GPHN: variants seen among roughly 807,000 people sequenced by gnomAD.
GPHN encodes the protein gephyrin.
GPHN carries 17 observed loss-of-function variants against 95.5 expected under a neutral mutation model. The ratio of observed to expected loss-of-function variants is 0.18; its 90% CI spans 0.12 to 0.27. The LOEUF (loss-of-function observed/expected upper bound fraction) is 0.27, where lower values mean the gene tolerates loss of function less well. GPHN is among the 10% of genes least tolerant of loss of function. The probability of loss-of-function intolerance (pLI) is 1.00; values close to 1 mark genes in which losing one functional copy is unlikely to be tolerated. For missense variants in GPHN, 660 were observed against 978.1 expected (o/e 0.67, Z 4.34); for synonymous variants, 320 against 322.5 (o/e 0.99, Z 0.08).
intron 2 of GPHN, among the ~76,000 whole-genome samples, chr14:66,688,685 T>A (rs2067563738): frequency 6.6e-6 from 1 of 152,166 alleles, no homozygotes; most frequent in African/African-American, 2.4e-5. Context: ...TGGATGCCCT[T>A]TAATTCTTTC....
the GPHN span, among the ~76,000 whole-genome samples, chr14:67,313,369 C>T: frequency 1.3e-5 from 2 of 152,170 alleles, no homozygotes; most frequent in Non-Finnish European, 2.9e-5. Context: ...AGTGTATTTA[C>T]ACAAACCTAG....
At chr14:67,105,008 G>T (rs975943418) in intron 13 of GPHN, among the ~76,000 whole-genome samples, 1 of 151,800 alleles carries the variant, frequency 6.6e-6, no homozygotes, top group Non-Finnish European at 1.5e-5. Flanking sequence ...TGCTGTTTTT[G>T]CTGTATCCCA....
chr14:67,215,056 G>A, the GPHN span, among the ~76,000 whole-genome samples: 2 of 152,156 alleles, frequency 1.3e-5, no homozygotes, highest in Non-Finnish European at 2.9e-5. Flanking sequence ...TCAGCTTAAG[G>A]AGATTCTGGG....
At chr14:67,204,418 G>C in the GPHN span, 1 of 1,353,798 alleles carries the variant, frequency 7.4e-7, no homozygotes, top group Middle Eastern at 2.7e-4. Flanking sequence ...CTCCAACGTG[G>C]GCAACAGAGT....
the GPHN span, among the ~76,000 whole-genome samples, chr14:67,468,927 A>G: frequency 6.6e-6 from 1 of 151,906 alleles, no homozygotes; most frequent in South Asian, 2.1e-4. Context: ...TTTAAAAAAA[A>G]AAGGGTCTTG....
At chr14:66,748,350 A>G (rs770733026) in intron 2 of GPHN, among the ~76,000 whole-genome samples, 7 of 152,164 alleles carry the variant, frequency 4.6e-5, no homozygotes, top group Middle Eastern at 3.4e-3. Context: ...CAGCATTTAT[A>G]GACTTTTTAA....
chr14:67,066,551 A>G (rs557737092), intron 11 of GPHN, among the ~76,000 whole-genome samples: 1 of 152,200 alleles, frequency 6.6e-6, no homozygotes, highest in Non-Finnish European at 1.5e-5. Context: ...TCTCCCTATC[A>G]CTTTGAAGTA....
chr14:66,729,240 C>T (rs754921736), intron 2 of GPHN, among the ~76,000 whole-genome samples: 12 of 152,034 alleles, frequency 7.9e-5, no homozygotes, highest in East Asian at 1.9e-4. Context: ...TTATCAGCAG[C>T]GTGAAAATGG....
the GPHN span, among the ~76,000 whole-genome samples, chr14:67,341,834 G>A: frequency 6.6e-6 from 1 of 152,210 alleles, no homozygotes; most frequent in Non-Finnish European, 1.5e-5. Flanking sequence ...ATTTTGTTCT[G>A]TACTAAGAAA....
chr14:67,512,939 C>T, the GPHN span, among the ~76,000 whole-genome samples: 1 of 152,178 alleles, frequency 6.6e-6, no homozygotes, highest in Admixed American at 6.5e-5. Context: ...TAATTTGGTC[C>T]CTTCCTGTAA....
At chr14:67,662,760 C>A in the GPHN span, among the ~76,000 whole-genome samples, 2 of 151,914 alleles carry the variant, frequency 1.3e-5, no homozygotes. Flanking sequence ...AAAAATTAGC[C>A]GGGCGTGGTG....
intron 17 of GPHN, among the ~76,000 whole-genome samples, chr14:67,130,102 A>G (rs768841494): frequency 1.6e-4 from 24 of 151,952 alleles, no homozygotes; most frequent in Non-Finnish European, 3.1e-4. Context: ...CATTCTTTAT[A>G]TATTTACATA....
intron 11 of GPHN, among the ~76,000 whole-genome samples, chr14:67,084,185 A>G (rs2076799585): frequency 6.6e-6 from 1 of 152,250 alleles, no homozygotes; most frequent in Admixed American, 6.5e-5. Flanking sequence ...ATTAAGAGTA[A>G]ATGTAGTCCT....
chr14:67,172,554 G>A (rs1293137013), intron 21 of GPHN, among the ~76,000 whole-genome samples: 3 of 152,094 alleles, frequency 2.0e-5, no homozygotes, highest in Non-Finnish European at 4.4e-5. Context: ...TGGCTGAACT[G>A]AGCAGCTGGG....
intron 1 of GPHN, among the ~76,000 whole-genome samples, chr14:66,513,487 T>C (rs1399756721): frequency 6.6e-6 from 1 of 151,680 alleles, no homozygotes; most frequent in Non-Finnish European, 1.5e-5. Context: ...AAACAATCAG[T>C]AAAATAGATA....
At chr14:66,714,043 A>G (rs1395780606) in intron 2 of GPHN, among the ~76,000 whole-genome samples, 1 of 152,184 alleles carries the variant, frequency 6.6e-6, no homozygotes, top group Non-Finnish European at 1.5e-5. Context: ...TGCTGGGATT[A>G]CAGGTGTGAA....
chr14:67,145,672 G>T (rs1022176309), intron 18 of GPHN, among the ~76,000 whole-genome samples: 4 of 152,020 alleles, frequency 2.6e-5, no homozygotes, highest in Non-Finnish European at 5.9e-5. Flanking sequence ...ATTCCAAAAA[G>T]AATTTAGGGT....
At chr14:66,961,900 G>GTGTA (rs1177915817) in intron 8 of GPHN, among the ~76,000 whole-genome samples, 48 of 53,002 alleles carry the variant, frequency 9.1e-4, no homozygotes, top group Non-Finnish European at 1.3e-3. Context: ...CCCTGAATGT[G>GTGTA]TATATATATA....
At chr14:66,582,955 G>A (rs1033415062) in intron 1 of GPHN, among the ~76,000 whole-genome samples, 15 of 151,980 alleles carry the variant, frequency 9.9e-5, no homozygotes, top group Non-Finnish European at 1.3e-4. Flanking sequence ...CTGAGGAATC[G>A]CCACACTGAC....
Sources: allele counts gnomAD v4.1 joint callset (sites outside exome capture counted in the v4.1 genomes callset), GRCh38; gene constraint gnomAD v4.1.1; transcripts MANE v1.5; gene names NCBI Gene and HGNC (gene_info 2026-07-23, HGNC 2026-07-21).